The following NMBR variants were observed in gnomAD, a reference collection of about 807,000 sequenced individuals.
NMBR encodes the protein neuromedin B receptor.
Under a neutral mutation model 20.5 loss-of-function variants are expected in NMBR, and 16 were observed. The observed-to-expected ratio is 0.78, with a 90% CI of 0.53 to 1.19. The LOEUF is 1.19. Among genes scored for constraint, NMBR ranks in the 50% most tolerant of loss-of-function variants. The pLI is 0.00. For missense variants in NMBR, 582 were observed against 499.1 expected (o/e 1.17, Z -1.58); for synonymous variants, 212 against 196.6 (o/e 1.08, Z -0.65).
intron 1 of NMBR, among the ~76,000 whole-genome samples, chr6:142,110,213 C>T (rs891277207): frequency 3.9e-5 from 6 of 152,102 alleles, no homozygotes; most frequent in Non-Finnish European, 8.8e-5. Context: ...CCAGCAATTT[C>T]AATCCTAGGT....
In NMBR at chr6:142,109,023, AAATCT is replaced by A. The variant is rs1056246430; in HGVS notation, c.-663-19707_-663-19703del. On this transcript the variant is annotated intron_variant, in intron 1 of 3. Coordinates refer to ENST00000258042, the MANE Select transcript of NMBR (RefSeq NM_002511.4). ...GGGCTACAGGCCCCATGCAAGTCTGAAATCTAATCATGCCCACCTCAGCTGATGCA... is the reference window on the plus strand; with the variant it reads ...GGGCTACAGGCCCCATGCAAGTCTGAAATCATGCCCACCTCAGCTGATGCA... 4.4e-4 allele frequency among the ~76,000 whole-genome samples: 67 copies of A among 152,318 alleles called. 1 individual carries two copies. The highest frequency in any genetic ancestry group is 1.6e-3 in the African/African-American group (65 of 41,586).
chr6:142,120,742 T>C (rs760066176), intron 1 of NMBR, among the ~76,000 whole-genome samples: 2 of 151,916 alleles, frequency 1.3e-5, no homozygotes, highest in Non-Finnish European at 2.9e-5. Context: ...TTACAAATAC[T>C]TAAATAAAGC....
intron 1 of NMBR, among the ~76,000 whole-genome samples, chr6:142,114,612 T>C (rs1777820335): frequency 6.6e-6 from 1 of 152,060 alleles, no homozygotes; most frequent in African/African-American, 2.4e-5. Context: ...TTACATGACG[T>C]ATTGACTTGA....
chr6:142,086,245 C>T (rs191827808), intron 2 of NMBR, among the ~76,000 whole-genome samples: 2 of 152,136 alleles, frequency 1.3e-5, no homozygotes, highest in African/African-American at 2.4e-5. Context: ...GTTTTCTTAG[C>T]TTTAAAGTTT....
At chr6:142,093,826 C>A (rs1341039818) in intron 1 of NMBR, among the ~76,000 whole-genome samples, 1 of 152,092 alleles carries the variant, frequency 6.6e-6, no homozygotes, top group African/African-American at 2.4e-5. Context: ...TGTTTCCTGA[C>A]TTTTTAATGA....
At chr6:142,131,033 TGTAA>T (rs989545134) in intron 1 of NMBR, among the ~76,000 whole-genome samples, 36 of 152,222 alleles carry the variant, frequency 2.4e-4, no homozygotes, top group African/African-American at 8.4e-4. Flanking sequence ...ACTTTTGGAG[TGTAA>T]GTGTCTACTG....
intron 1 of NMBR, among the ~76,000 whole-genome samples, chr6:142,116,453 T>C (rs1777857335): frequency 6.6e-6 from 1 of 151,944 alleles, no homozygotes; most frequent in Admixed American, 6.6e-5. Flanking sequence ...TAGGAAGAAC[T>C]CAAGGATAAA....
intron 1 of NMBR, among the ~76,000 whole-genome samples, chr6:142,108,333 A>T (rs1316108612): frequency 6.6e-6 from 1 of 152,204 alleles, no homozygotes; most frequent in Non-Finnish European, 1.5e-5. Context: ...CAGCATGATA[A>T]AAATGACATT....
At chr6:142,079,033 A>G (rs1582834108) in intron 2 of NMBR, 130 bp from the exon 3 acceptor site, 1 of 522,946 alleles carries the variant, frequency 1.9e-6, no homozygotes, top group Non-Finnish European at 3.2e-6. Context: ...AGAGAGAAAG[A>G]AAGAAAGAGA....
chr6:142,098,217 C>A (rs756240428), intron 1 of NMBR, among the ~76,000 whole-genome samples: 1 of 151,990 alleles, frequency 6.6e-6, no homozygotes, highest in African/African-American at 2.4e-5. Context: ...AGAAGAAACA[C>A]AAAGAAAAAT....
At position 142,088,300 on chromosome 6, in the gene NMBR, G is replaced by A. The variant is rs758776705; in HGVS notation, c.359C>T (p.Pro120Leu). Residue 120 changes from proline (P) to leucine (L), a missense_variant, in exon 2 of 4, where the codon CCT becomes CTT. Transcript: ENST00000258042. ...MFGKVGCKLI[P>L]VIQLTSVGVS... ...CCCCACGGAAGTGAGCTGGATGACA[G>A]GGATCAGTTTGCAGCCCACCTTGCC... 1 of 1,613,950 alleles carries A rather than the reference G, an allele frequency of 6.2e-7. No homozygotes were observed. Among genetic ancestry groups the A allele is most frequent in the Non-Finnish European group, 8.5e-7 (1 of 1,180,032 alleles).
At chr6:142,126,261 CTG>C (rs34172798) in intron 1 of NMBR, among the ~76,000 whole-genome samples, 8 of 149,170 alleles carry the variant, frequency 5.4e-5, no homozygotes, top group East Asian at 2.0e-4. Flanking sequence ...CTCTCTCTCT[CTG>C]TGTGTGTGTG....
At chr6:142,102,474 A>G (rs963887646) in intron 1 of NMBR, among the ~76,000 whole-genome samples, 65 of 152,092 alleles carry the variant, frequency 4.3e-4, no homozygotes, top group Non-Finnish European at 8.8e-5. Context: ...ATAATACCCA[A>G]TGTATTTCTC....
chr6:142,137,818 A>G (rs1385075224), intron 1 of NMBR, among the ~76,000 whole-genome samples: 1 of 152,118 alleles, frequency 6.6e-6, no homozygotes, highest in Non-Finnish European at 1.5e-5. Context: ...CGCATATTGA[A>G]CCAGCCTTGC....
At chr6:142,099,386 A>G (rs1267044364) in intron 1 of NMBR, among the ~76,000 whole-genome samples, 5 of 152,226 alleles carry the variant, frequency 3.3e-5, no homozygotes, top group Admixed American at 2.6e-4. Flanking sequence ...CAATCATGTC[A>G]TAAGGAGAAG....
intron 1 of NMBR, among the ~76,000 whole-genome samples, chr6:142,114,607 T>A (rs1466917780): frequency 1.3e-5 from 2 of 152,120 alleles, no homozygotes; most frequent in African/African-American, 4.8e-5. Context: ...AACATTTACA[T>A]GACGTATTGA....
chr6:142,119,866 T>C (rs1205130171), intron 1 of NMBR, among the ~76,000 whole-genome samples: 1 of 151,986 alleles, frequency 6.6e-6, no homozygotes, highest in Non-Finnish European at 1.5e-5. Flanking sequence ...GTCACTTGCA[T>C]GGAAATCTGT....
intron 3 of NMBR, among the ~76,000 whole-genome samples, chr6:142,076,716 G>A (rs771981670): frequency 5.3e-5 from 8 of 152,060 alleles, no homozygotes; most frequent in Non-Finnish European, 8.8e-5. Flanking sequence ...TTCAAATATT[G>A]GACATCAATA....
chr6:142,095,417 G>T (rs1327836561), intron 1 of NMBR, among the ~76,000 whole-genome samples: 5 of 152,220 alleles, frequency 3.3e-5, no homozygotes, highest in African/African-American at 4.8e-5. Flanking sequence ...TAATCATGTG[G>T]TTTTTGTCAT....
Sources: gnomAD v4.1 joint callset for allele counts (sites outside exome capture counted in the v4.1 genomes callset) on GRCh38, gnomAD v4.1.1 for gene constraint, MANE v1.5 for transcripts, NCBI Gene and HGNC (gene_info 2026-07-23, HGNC 2026-07-21) for gene names.